The following FAH variants were observed in gnomAD, a reference collection of about 807,000 sequenced individuals.
The protein encoded by FAH is fumarylacetoacetate hydrolase.
Under a neutral mutation model 55.8 loss-of-function variants are expected in FAH, and 47 were observed. That is an observed-to-expected ratio of 0.84 (90% CI 0.67 to 1.07). FAH has a LOEUF of 1.07. Ranked by LOEUF, FAH falls within the 50% of genes least tolerant of loss-of-function variation. The probability of loss-of-function intolerance (pLI) is 0.00; values close to 1 mark genes in which losing one functional copy is unlikely to be tolerated. For synonymous variants in FAH, 199 were observed against 207.7 expected, an observed-to-expected ratio of 0.96 and a Z score of 0.36; for missense variants, 495 against 545.9, an observed-to-expected ratio of 0.91 and a Z score of 0.93.
At chr15:80,177,052 A>G (rs2041290164) in intron 10 of FAH, among the ~76,000 whole-genome samples, 1 of 152,214 alleles carries the variant, frequency 6.6e-6, no homozygotes, top group Admixed American at 6.5e-5. Flanking sequence ...CCTTGCATGT[A>G]GTAGATGTTT....
chr15:80,167,785 G>C lies in FAH; in HGVS notation c.456-267G>C, dbSNP rs112588563. On this transcript the variant is annotated intron_variant, in intron 5 of 13. Coordinates refer to ENST00000561421, the MANE Select transcript of FAH (RefSeq NM_000137.4). Reference sequence around the variant, plus strand: ...GGCCTCATGTGATCTGCCCACCTCAGCCTCCCAAAGTGCTGGGATTACAGG... The same window carrying C: ...GGCCTCATGTGATCTGCCCACCTCACCCTCCCAAAGTGCTGGGATTACAGG... 0.042 allele frequency among the ~76,000 whole-genome samples: 6,415 copies of C among 152,132 alleles called. 450 individuals are homozygous for C. Among genetic ancestry groups the C allele is most frequent in the African/African-American group, 0.15 (6,072 of 41,462 alleles).
chr15:80,179,584 G>A (rs567730548), intron 11 of FAH, among the ~76,000 whole-genome samples: 4 of 152,136 alleles, frequency 2.6e-5, no homozygotes, highest in African/African-American at 7.2e-5. Flanking sequence ...CAGCCTGACC[G>A]CCCACAGCTC....
At chr15:80,176,750 C>T (rs1434809045) in intron 10 of FAH, among the ~76,000 whole-genome samples, 1 of 152,242 alleles carries the variant, frequency 6.6e-6, no homozygotes, top group Non-Finnish European at 1.5e-5. Flanking sequence ...GGTGAACCTG[C>T]CCGCCCGGGG....
At chr15:80,161,747 C>T (rs1418241886) in intron 4 of FAH, among the ~76,000 whole-genome samples, 3 of 152,236 alleles carry the variant, frequency 2.0e-5, no homozygotes, top group Non-Finnish European at 1.5e-5. Flanking sequence ...CAGTGGGAAG[C>T]GAAGCCTGCC....
rs553885235 is a variant in FAH at position 80,176,478 on chromosome 15, GAA to G, written c.914-1057_914-1056del. Among the ~76,000 whole-genome samples the G allele has an allele frequency of 1.5e-4, 23 of 152,364 alleles. No homozygotes were observed. The East Asian group carries it at 4.2e-3, about 28-fold the overall frequency. On this transcript the variant is annotated intron_variant, in intron 10 of 13. Coordinates refer to ENST00000561421, the MANE Select transcript of FAH (RefSeq NM_000137.4). ...CCATGGGAGCAGGATGCTCCATGGA[GAA>G]AGAGCTGTCACAGAGAGCCTCCTGG...
chr15:80,173,294 T>A, intron 9 of FAH, 150 bp downstream of exon 9: 1 of 1,005,668 alleles, frequency 9.9e-7, no homozygotes, highest in Non-Finnish European at 1.5e-6. Flanking sequence ...TGGGAGTTCC[T>A]GGCCACGATT....
chr15:80,185,635 G>T (rs1013548895), intron 13 of FAH, among the ~76,000 whole-genome samples: 2 of 152,202 alleles, frequency 1.3e-5, no homozygotes, highest in African/African-American at 2.4e-5. Context: ...AAGGCAAAAG[G>T]CATGTCTTAC....
At chr15:80,174,189 C>A (rs553721543) in intron 9 of FAH, among the ~76,000 whole-genome samples, 2 of 152,266 alleles carry the variant, frequency 1.3e-5, no homozygotes, top group South Asian at 4.1e-4. Flanking sequence ...CTGGCAGCGG[C>A]CTTGTCTAGT....
intron 7 of FAH, among the ~76,000 whole-genome samples, chr15:80,171,057 TA>T (rs1024631960): frequency 1.3e-4 from 20 of 151,886 alleles, no homozygotes; most frequent in African/African-American, 3.4e-4. Context: ...CATTTTTCAT[TA>T]AAAAAATTTA....
intron 10 of FAH, 151 bp downstream of exon 10, chr15:80,175,242 G>A: frequency 1.4e-6 from 1 of 739,834 alleles, no homozygotes; most frequent in Non-Finnish European, 2.4e-6. Context: ...AAGAGGAGGG[G>A]AGGGGAGGGG....
intron 10 of FAH, 35 bp from the exon 11 acceptor site, chr15:80,177,502 T>G (rs1330216826): frequency 1.3e-6 from 2 of 1,594,636 alleles, no homozygotes; most frequent in Admixed American, 1.7e-5. Flanking sequence ...TGCATGGAAT[T>G]AAGTTTTCAT....
At chr15:80,162,786 T>G (rs564695342) in intron 5 of FAH, 1 of 245,728 alleles carries the variant, frequency 4.1e-6, no homozygotes, top group East Asian at 9.8e-5. Flanking sequence ...TTCTCTGATG[T>G]CACAAGGCCA....
In FAH at chr15:80,168,258, T is replaced by C. The variant is rs2041212398; in HGVS notation, c.554-6T>C. ...CGTTTTTTTTTTTTTTCTGGTGTTATTCCAGCTAAGCCTCCCGTATATGGT... is the reference window on the plus strand; with the variant it reads ...CGTTTTTTTTTTTTTTCTGGTGTTACTCCAGCTAAGCCTCCCGTATATGGT... On this transcript the variant is annotated splice_region_variant and splice_polypyrimidine_tract_variant and intron_variant, in intron 6 of 13. Coordinates refer to ENST00000561421, the MANE Select transcript of FAH (RefSeq NM_000137.4). 7.5e-6 allele frequency: 12 copies of C among 1,610,134 alleles called. No homozygotes were observed. In the East Asian group the frequency reaches 2.7e-4, roughly 36 times the overall value.
At chr15:80,178,983 T>G (rs1483476351) in intron 11 of FAH, among the ~76,000 whole-genome samples, 1 of 152,238 alleles carries the variant, frequency 6.6e-6, no homozygotes, top group African/African-American at 2.4e-5. Flanking sequence ...TGTGAACATT[T>G]TAGTACACAC....
intron 3 of FAH, chr15:80,160,196 C>G (rs1247011264): frequency 3.0e-6 from 2 of 659,198 alleles, no homozygotes; most frequent in East Asian, 5.4e-5. Flanking sequence ...TTCCACTTGT[C>G]TAGTCCCATT....
At chr15:80,162,488 G>A (rs73482870) in intron 5 of FAH, 152 bp downstream of exon 5, 268 of 728,518 alleles carry the variant, frequency 3.7e-4, no homozygotes, top group African/African-American at 3.0e-3. Context: ...AGTGGTCTCA[G>A]CTTCTGGTCT....
chr15:80,184,847 T>A (rs997599134), intron 13 of FAH, among the ~76,000 whole-genome samples: 5 of 152,142 alleles, frequency 3.3e-5, no homozygotes, highest in African/African-American at 9.7e-5. Flanking sequence ...TTCATGTGTC[T>A]TCCCTAATGA....
chr15:80,157,369 G>A (rs2041108007), intron 1 of FAH: 1 of 156,138 alleles, frequency 6.4e-6, no homozygotes, highest in African/African-American at 2.4e-5. Flanking sequence ...AGAGCCCTGG[G>A]AAGTTGAGTC....
Position 80,164,429 on chromosome 15 carries a change from A to C in FAH, c.455+2093A>C, listed in dbSNP as rs573943413. 5.9e-5 allele frequency among the ~76,000 whole-genome samples: 9 copies of C among 152,302 alleles called. No individual in the cohort carries two copies. The South Asian group carries it at 1.2e-3, about 21-fold the overall frequency. The stretch of plus-strand genomic sequence containing the variant: ...ACAGTATCCCTATCTCAAGATCCCT[A>C]ACTTAATCACACCTGCAAAACTCTT... On this transcript the variant is annotated intron_variant, in intron 5 of 13. Coordinates refer to ENST00000561421, the MANE Select transcript of FAH (RefSeq NM_000137.4).
Sources: gnomAD v4.1 joint callset for allele counts (sites outside exome capture counted in the v4.1 genomes callset) on GRCh38, gnomAD v4.1.1 for gene constraint, MANE v1.5 for transcripts, NCBI Gene and HGNC (gene_info 2026-07-23, HGNC 2026-07-21) for gene names.